The following KDM6A variants were observed in gnomAD, a reference collection of about 807,000 sequenced individuals.
The protein encoded by KDM6A is lysine demethylase 6A.
A neutral mutation model predicts 117.6 loss-of-function variants in KDM6A; 11 were observed. That is an observed-to-expected ratio of 0.09 (90% CI 0.06 to 0.15). The LOEUF is 0.15. Among genes scored for constraint, KDM6A ranks in the 10% least tolerant of loss-of-function variants. The probability of loss-of-function intolerance (pLI) is 1.00; values close to 1 mark genes in which losing one functional copy is unlikely to be tolerated. For missense variants in KDM6A, 799 were observed against 1,077.3 expected, an observed-to-expected ratio of 0.74 and a Z score of 3.62; for synonymous variants, 384 against 396.1, an observed-to-expected ratio of 0.97 and a Z score of 0.36.
Position 45,088,449 on chromosome X carries a change from GAT to G in KDM6A, c.3705-1292_3705-1291del, listed in dbSNP as rs201663792. Reference sequence around the variant, plus strand: ...TGTGTCATTATAGCACAGACACAGAGATAGTACGTAAGTGAATGGACATAGCT... The same window carrying G: ...TGTGTCATTATAGCACAGACACAGAGAGTACGTAAGTGAATGGACATAGCT... On this transcript the variant is annotated intron_variant, in intron 25 of 29. Transcript: ENST00000611820. 6.2e-4 allele frequency among the ~76,000 whole-genome samples: 70 copies of G among 113,582 alleles called. No homozygotes were observed. In the East Asian group the frequency reaches 0.015, roughly 24 times the overall value.
chrX:45,061,906 CTT>C (rs750023655), intron 15 of KDM6A, among the ~76,000 whole-genome samples: 3 of 99,576 alleles, frequency 3.0e-5, no homozygotes, highest in Non-Finnish European at 2.1e-5. Context: ...TTTTTAATTT[CTT>C]TTTTTTTTTT....
At chrX:45,099,755 C>G (rs2046263561) in intron 27 of KDM6A, among the ~76,000 whole-genome samples, 1 of 112,310 alleles carries the variant, frequency 8.9e-6, no homozygotes, top group African/African-American at 3.2e-5. Context: ...GAAACCCTCA[C>G]TGGGTGCGGT....
chrX:45,104,356 C>T lies in KDM6A; in HGVS notation c.4035-3054C>T, dbSNP rs531044534. On this transcript the variant is annotated intron_variant, in intron 27 of 29. Coordinates refer to ENST00000611820, the MANE Select transcript of KDM6A (RefSeq NM_001291415.2). ...GAATTCTTAATTACCATAAGGTAAA[C>T]TTACAGAAATTCAGCAAAACTAAAA... Among the ~76,000 whole-genome samples the T allele has an allele frequency of 4.4e-5, 5 of 112,922 alleles. No individual in the cohort carries two copies. The South Asian group carries it at 1.8e-3, about 41-fold the overall frequency.
intron 1 of KDM6A, 50 bp downstream of exon 1, chrX:44,873,762 C>A: frequency 8.6e-7 from 1 of 1,157,393 alleles, no homozygotes; most frequent in Non-Finnish European, 1.2e-6. Flanking sequence ...GCAGTAGCCG[C>A]TCTCCCGGGA....
Position 45,011,032 on chromosome X carries a change from A to G in KDM6A, c.443+13A>G. 1 of 1,149,351 alleles carries G rather than the reference A, an allele frequency of 8.7e-7. No individual in the cohort carries two copies. The highest frequency in any genetic ancestry group is 1.8e-5 in the South Asian group (1 of 55,041). The allele number at this position is 1,149,351 out of a possible 1,213,427, so 94.7% of individuals were successfully genotyped here. A position where few individuals can be genotyped will look rare whatever the true frequency, so the allele number is the denominator to read the frequency against. ...ATGCATTTCAGTGGTAAGTTGACAT[A>G]AAACCAGTAATTCAGTCATTTTCAG... On this transcript the variant is annotated intron_variant, in intron 5 of 29. Transcript: ENST00000611820.
intron 2 of KDM6A, among the ~76,000 whole-genome samples, chrX:44,877,496 A>G (rs1222573242): frequency 9.2e-6 from 1 of 108,925 alleles, no homozygotes; most frequent in Non-Finnish European, 1.9e-5. Flanking sequence ...ACAGAAATTA[A>G]CTTGTGACTT....
chrX:45,102,486 G>A (rs777305842), intron 27 of KDM6A, among the ~76,000 whole-genome samples: 1 of 111,366 alleles, frequency 9.0e-6, no homozygotes, highest in South Asian at 3.8e-4. Flanking sequence ...GGATAAATAT[G>A]GTGTTATACA....
At chrX:45,017,624 G>A (rs1332866832) in intron 5 of KDM6A, among the ~76,000 whole-genome samples, 1 of 112,045 alleles carries the variant, frequency 8.9e-6, no homozygotes, top group Non-Finnish European at 1.9e-5. Context: ...TTACATGTTC[G>A]AATAATGTGT....
chrX:45,028,068 C>T (rs1054850418), intron 6 of KDM6A, among the ~76,000 whole-genome samples: 1 of 111,583 alleles, frequency 9.0e-6, no homozygotes, highest in Admixed American at 9.5e-5. Flanking sequence ...GCTGGTTGGT[C>T]CCTCAAAGTG....
At chrX:44,895,316 C>T (rs1183613015) in intron 2 of KDM6A, among the ~76,000 whole-genome samples, 2 of 107,536 alleles carry the variant, frequency 1.9e-5, no homozygotes, top group Non-Finnish European at 3.8e-5. Context: ...GGTTTCACCG[C>T]GTTAGCCGGG....
intron 4 of KDM6A, among the ~76,000 whole-genome samples, chrX:44,985,019 C>T (rs1291660817): frequency 6.4e-5 from 7 of 109,705 alleles, no homozygotes; most frequent in East Asian, 5.7e-4. Flanking sequence ...GCCATTTTCA[C>T]GATATTGATT....
chrX:44,882,550 C>A (rs1602039169), intron 2 of KDM6A, among the ~76,000 whole-genome samples: 1 of 112,163 alleles, frequency 8.9e-6, no homozygotes. Flanking sequence ...TATTTTGATA[C>A]TGCTATAGTG....
intron 6 of KDM6A, among the ~76,000 whole-genome samples, chrX:45,024,100 G>A (rs767109203): frequency 7.0e-4 from 78 of 112,204 alleles, no homozygotes; most frequent in Non-Finnish European, 1.2e-3. Flanking sequence ...ATAAACATGT[G>A]TGTGCAAGTG....
rs772510467 is a variant in KDM6A at position 44,975,797 on chromosome X, T to A, written c.384+1082T>A. On this transcript the variant is annotated intron_variant, in intron 4 of 29. Coordinates refer to ENST00000611820, the MANE Select transcript of KDM6A (RefSeq NM_001291415.2). The stretch of plus-strand genomic sequence containing the variant: ...CACTGATCCACCCAGCCCACAGGTG[T>A]TTACACCAGATGTTTTGTGCAGATA... Among the ~76,000 whole-genome samples the A allele has an allele frequency of 1.3e-4, 15 of 111,789 alleles. No individual in the cohort carries two copies. The South Asian group carries it at 5.6e-3, about 42-fold the overall frequency.
At chrX:44,877,071 G>GTA (rs1339139679) in intron 2 of KDM6A, among the ~76,000 whole-genome samples, 2 of 111,150 alleles carry the variant, frequency 1.8e-5, no homozygotes, top group Non-Finnish European at 3.8e-5. Context: ...ACACATATAT[G>GTA]TATATATATG....
intron 25 of KDM6A, among the ~76,000 whole-genome samples, chrX:45,087,831 A>C (rs1244781729): frequency 9.0e-6 from 1 of 111,657 alleles, no homozygotes; most frequent in Non-Finnish European, 1.9e-5. Context: ...TCAAGTTAGA[A>C]GGAAGGGTTA....
At chrX:45,059,726 A>G (rs1386642227) in intron 12 of KDM6A, among the ~76,000 whole-genome samples, 2 of 112,032 alleles carry the variant, frequency 1.8e-5, no homozygotes, top group Non-Finnish European at 3.8e-5. Context: ...TGTACTGTCT[A>G]CATTTTTAAG....
chrX:44,957,474 A>C (rs961862747), intron 2 of KDM6A, among the ~76,000 whole-genome samples: 1 of 112,352 alleles, frequency 8.9e-6, no homozygotes, highest in African/African-American at 3.2e-5. Flanking sequence ...CAGAGTTTAG[A>C]AATACGGGGT....
At chrX:45,086,107 AT>A (rs2045629324) in intron 25 of KDM6A, 128 bp downstream of exon 25, 1 of 470,229 alleles carries the variant, frequency 2.1e-6, no homozygotes, top group African/African-American at 2.4e-5. Flanking sequence ...CGAAGAATTC[AT>A]TTTAAATTAT....
Sources: allele counts gnomAD v4.1 joint callset (sites outside exome capture counted in the v4.1 genomes callset), GRCh38; gene constraint gnomAD v4.1.1; transcripts MANE v1.5; gene names NCBI Gene and HGNC (gene_info 2026-07-23, HGNC 2026-07-21).